HCFC1: variants seen among roughly 807,000 people sequenced by gnomAD.
HCFC1 encodes the protein host cell factor C1.
A neutral mutation model predicts 105.5 loss-of-function variants in HCFC1; 7 were observed. The ratio of observed to expected loss-of-function variants is 0.07; its 90% CI spans 0.04 to 0.12. The LOEUF (loss-of-function observed/expected upper bound fraction) is 0.12. Ranked by LOEUF, HCFC1 falls within the 10% of genes least tolerant of loss-of-function variation. The probability of loss-of-function intolerance (pLI) is 1.00; values close to 1 mark genes in which losing one functional copy is unlikely to be tolerated. For missense variants in HCFC1, 1,065 were observed against 1,823.6 expected, an observed-to-expected ratio of 0.58 and a Z score of 7.58; for synonymous variants, 918 against 828.1, an observed-to-expected ratio of 1.11 and a Z score of -1.86.
In HCFC1 at chrX:153,958,643, C is replaced by T. The variant is rs782764629; in HGVS notation, c.1729G>A (p.Val577Met). Residue 577 changes from valine (V) to methionine (M), a missense_variant, in exon 10 of 26, where the codon GTG (valine) becomes ATG (methionine). Val to Met is a conservative substitution (Grantham distance 21, BLOSUM62 1). This residue lies in a region of HCFC1 where 137 missense variants were observed against 378.2 expected (regional missense o/e 0.36). Transcript: ENST00000310441. ...VLSVPAGTTI[V>M]KTMAVTPGTT... ...CCAGGTGTCACAGCCATGGTCTTCA[C>T]GATGGTGGTACCCGCTGGGACACTC... The T allele has an allele frequency of 6.6e-6, 8 of 1,207,002 alleles. No individual in the cohort carries two copies. Among genetic ancestry groups the T allele is most frequent in the Non-Finnish European group, 7.8e-6 (7 of 892,948 alleles).
Position 153,949,589 on chromosome X carries a change from T to C in HCFC1, c.6032A>G (p.Lys2011Arg), listed in dbSNP as rs2065290378. 2.5e-6 allele frequency: 3 copies of C among 1,209,536 alleles called. No homozygotes were observed. The highest frequency in any genetic ancestry group is 3.4e-6 in the Non-Finnish European group (3 of 894,500). Residue 2011 changes from lysine (K) to arginine (R), a missense_variant, in exon 25 of 26, where the codon AAG (lysine) becomes AGG (arginine). By Grantham distance (26) the Lys-to-Arg change is conservative (BLOSUM62 2). Coordinates refer to ENST00000310441, the MANE Select transcript of HCFC1 (RefSeq NM_005334.3). The part of the protein sequence containing the change: ...QETSKDSSGT[K>R]PANKRPMSSP... Reference sequence around the variant, plus strand: ...GGACATGGGCCGCTTGTTGGCTGGCTTGGTGCCAGAGCTGTCTTTACTGGT... The same window carrying C: ...GGACATGGGCCGCTTGTTGGCTGGCCTGGTGCCAGAGCTGTCTTTACTGGT...
chrX:153,957,158 C>A lies in HCFC1; in HGVS notation c.2354-98G>T, dbSNP rs782209174. The A allele has an allele frequency of 7.2e-4, 741 of 1,032,783 alleles. 9 individuals carry two copies. In the South Asian group the frequency reaches 0.015, roughly 21 times the overall value. The allele number at this position is 1,032,783 out of a possible 1,213,427, so 85.1% of individuals were successfully genotyped here. A position where few individuals can be genotyped will look rare whatever the true frequency, so the allele number is the denominator to read the frequency against. ...AACATCCACAAGTCACAGCCATAGC[C>A]CTGCCCATCTCCTCACTACCCTTAG... is the stretch of plus-strand genomic sequence containing the variant. On this transcript the variant is annotated intron_variant, in intron 13 of 25. Transcript: ENST00000310441.
Position 153,951,682 on chromosome X carries a change from C to T in HCFC1, c.5286G>A (p.Val1762=). The stretch of plus-strand genomic sequence containing the variant: ...TGGCCACCACAACCGGCTGGGGGGC[C>T]ACAAATGTGTTGGATGGAGCCAGGC... ...TESLAPSNTF[V]APQPVVVASP... is the part of the protein sequence containing the mutation. Residue 1762 remains valine (V), a synonymous_variant, in exon 21 of 26, where the codon GTG becomes GTA. Transcript: ENST00000310441. 1 of 1,210,025 alleles carries T rather than the reference C, an allele frequency of 8.3e-7. No individual in the cohort carries two copies. The highest frequency in any genetic ancestry group is 3.0e-5 in the East Asian group (1 of 33,826).
chrX:153,957,721 C>A (rs1190166956), intron 12 of HCFC1, 61 bp downstream of exon 12: 1 of 920,711 alleles, frequency 1.1e-6, no homozygotes, highest in East Asian at 3.1e-5. Context: ...GACATGAGTT[C>A]TTCCTGTGGC....
Position 153,955,043 on chromosome X carries a change from G to A in HCFC1, c.3356C>T (p.Thr1119Ile), listed in dbSNP as rs782727601. ...CETHETGTTN[T>I]ATTAMSSVGA... Reference sequence around the variant, plus strand: ...GACGCTCGACATGGCTGTAGTGGCAGTGTTGGTGGTGCCCGTCTCGTGGGT... The same window carrying A: ...GACGCTCGACATGGCTGTAGTGGCAATGTTGGTGGTGCCCGTCTCGTGGGT... The change falls in exon 17 of 26, where the codon ACT becomes ATT. Residue 1119 changes from threonine to isoleucine, a missense_variant. Coordinates refer to ENST00000310441, the MANE Select transcript of HCFC1 (RefSeq NM_005334.3). 129 of 1,209,841 alleles carry A rather than the reference G, an allele frequency of 1.1e-4. No individual in the cohort carries two copies. The East Asian group carries it at 3.6e-3, about 34-fold the overall frequency.
At chrX:153,962,931 T>C (rs193189762) in intron 4 of HCFC1, among the ~76,000 whole-genome samples, 1 of 112,148 alleles carries the variant, frequency 8.9e-6, no homozygotes, top group African/African-American at 3.2e-5. Context: ...GAGGGACTAA[T>C]GCTACCCGGA....
Position 153,960,183 on chromosome X carries a change from G to C in HCFC1, c.1085-22C>G, listed in dbSNP as rs17421. The C allele has an allele frequency of 0.22, 260,174 of 1,198,814 alleles. 26,825 individuals are homozygous for C. Among genetic ancestry groups the C allele is most frequent in the East Asian group, 0.75 (25,169 of 33,462 alleles). ...TTTTCTGTGGGAGAACGCAGTTGGT[G>C]AGAAGGGGCGGGAGGCTATGGGAGG... On this transcript the variant is annotated intron_variant, in intron 7 of 25. Transcript: ENST00000310441.
chrX:153,958,478 C>T (rs1205519092), intron 10 of HCFC1, 91 bp downstream of exon 10: 21 of 886,800 alleles, frequency 2.4e-5, no homozygotes, highest in Non-Finnish European at 3.0e-5. Flanking sequence ...ACAGCTTATT[C>T]TGCAGCCCAC....
At position 153,947,725 on chromosome X, in the gene HCFC1, G is replaced by A. The variant is rs1372312386; in HGVS notation, c.*1622C>T. ...ATGGGGTAAAACAACAGGACCAGGTGAGTGGGCTCCAAGGTGACTAAACGT... is the reference window on the plus strand; with the variant it reads ...ATGGGGTAAAACAACAGGACCAGGTAAGTGGGCTCCAAGGTGACTAAACGT... On this transcript the variant is annotated 3_prime_UTR_variant, in exon 26 of 26. Coordinates refer to ENST00000310441, the MANE Select transcript of HCFC1 (RefSeq NM_005334.3). The A allele has an allele frequency of 1.8e-5, 2 of 111,467 alleles. No individual in the cohort carries two copies. Among genetic ancestry groups the A allele is most frequent in the African/African-American group, 6.5e-5 (2 of 30,566 alleles). The allele number at this position is 111,467 out of a possible 1,213,427, so 9.2% of individuals were successfully genotyped here. A position where few individuals can be genotyped will look rare whatever the true frequency, so the allele number is the denominator to read the frequency against.
chrX:153,962,193 AAG>A (rs1557117163), intron 5 of HCFC1, 27 bp downstream of exon 5: 1 of 1,148,633 alleles, frequency 8.7e-7, no homozygotes, highest in Admixed American at 2.2e-5. Flanking sequence ...CAGTCTAGAG[AAG>A]AGAGACGCAG....
In HCFC1 at chrX:153,960,147, G is replaced by A. The variant is rs781866431; in HGVS notation, c.1099C>T (p.Pro367Ser). ...WYLETEKPPPPARVQLVRANT... is the reference protein window; with the variant it reads ...WYLETEKPPPSARVQLVRANT... ...GCGCGTACCAGTTGTACTCGGGCTGGGGGTGGTGGCTTTTCTGTGGGAGAA... is the reference window on the plus strand; with the variant it reads ...GCGCGTACCAGTTGTACTCGGGCTGAGGGTGGTGGCTTTTCTGTGGGAGAA... The change falls in exon 8 of 26, where the codon CCA becomes TCA. Residue 367 changes from proline (P) to serine (S), a missense_variant. Pro to Ser is a moderately conservative substitution (Grantham distance 74). Coordinates refer to ENST00000310441, the MANE Select transcript of HCFC1 (RefSeq NM_005334.3). 8.3e-7 allele frequency: 1 copy of A among 1,208,740 alleles called. No homozygotes were observed. The highest frequency in any genetic ancestry group is 1.1e-6 in the Non-Finnish European group (1 of 893,244).
intron 1 of HCFC1, among the ~76,000 whole-genome samples, 169 bp downstream of exon 1, chrX:153,970,479 G>C (rs782177420): frequency 2.5e-3 from 232 of 94,308 alleles, no homozygotes; most frequent in African/African-American, 8.5e-3. Context: ...GAGGGGAGAA[G>C]GACGGGTAAG....
chrX:153,963,163 G>C, intron 4 of HCFC1, 62 bp downstream of exon 4: 1 of 913,433 alleles, frequency 1.1e-6, no homozygotes, highest in South Asian at 2.0e-5. Context: ...CCACCCACGG[G>C]GCCAGCCAAG....
Position 153,949,116 on chromosome X carries a change from G to A in HCFC1, c.*231C>T, listed in dbSNP as rs782421522. ...CGGCAGCGGGGAGGAAAGGAAGCGC[G>A]CTCCTCTCTCTGCTTTCCCATCTGC... On this transcript the variant is annotated 3_prime_UTR_variant, in exon 26 of 26. Coordinates refer to ENST00000310441, the MANE Select transcript of HCFC1 (RefSeq NM_005334.3). 3.2e-5 allele frequency: 11 copies of A among 340,282 alleles called. No individual in the cohort carries two copies. The highest frequency in any genetic ancestry group is 6.5e-5 in the South Asian group (1 of 15,373). 28.0% of individuals were successfully genotyped at this position (340,282 alleles called of 1,213,427 possible). A position where few individuals can be genotyped will look rare whatever the true frequency, so the allele number is the denominator to read the frequency against.
chrX:153,953,764 G>A lies in HCFC1; in HGVS notation c.4340C>T (p.Pro1447Leu). 9 of 1,204,927 alleles carry A rather than the reference G, an allele frequency of 7.5e-6. No homozygotes were observed. The highest frequency in any genetic ancestry group is 1.0e-5 in the Non-Finnish European group (9 of 892,263). The change falls in exon 18 of 26, where the codon CCA (proline) becomes CTA (leucine). Residue 1447 changes from proline to leucine, a missense_variant. Around this residue, in one of 17 missense-constraint regions of HCFC1, gnomAD observed 546 missense variants for 599.9 expected, o/e 0.91. Transcript: ENST00000310441. ...CTCTCCCTGATCGCTGGCAGCAGGT[G>A]GGGGGTCTGTGGGGGCGACAGGCAG... ...TSNMSSNQDPPPAASDQGEVE... is the reference protein window; with the variant it reads ...TSNMSSNQDPLPAASDQGEVE...
In HCFC1 at chrX:153,964,611, A is replaced by G. The variant is rs1557117873; in HGVS notation, c.309T>C (p.Tyr103=). The part of the protein sequence containing the change: ...RLLVFGGMVE[Y]GKYSNDLYEL... ...CGTAGAGGTCATTGCTGTATTTCCC[A>G]TACTCCACCATCCCACCAAACACCA... is the stretch of plus-strand genomic sequence containing the variant. Residue 103 remains tyrosine (Y), a synonymous_variant, in exon 2 of 26, where the codon TAT becomes TAC. Transcript: ENST00000310441. 8.3e-7 allele frequency: 1 copy of G among 1,204,987 alleles called. No homozygotes were observed. The highest frequency in any genetic ancestry group is 1.1e-6 in the Non-Finnish European group (1 of 892,278).
At position 153,955,299 on chromosome X, in the gene HCFC1, C is replaced by T. The variant is rs782376939; in HGVS notation, c.3100G>A (p.Val1034Met). Residue 1034 changes from valine (V) to methionine (M), a missense_variant, in exon 17 of 26, where the codon GTG (valine) becomes ATG (methionine). Physicochemically the swap from Val to Met is conservative, Grantham distance 21 (BLOSUM62 1). Around this residue, in one of 17 missense-constraint regions of HCFC1, gnomAD observed 546 missense variants for 599.9 expected, o/e 0.91. Coordinates refer to ENST00000310441, the MANE Select transcript of HCFC1 (RefSeq NM_005334.3). Reference sequence around the variant, plus strand: ...TGGGGGTGTCCCCCAAGGTTAGCCACAACAGTAGTGGTGGCCGTGTTGGTG... The same window carrying T: ...TGGGGGTGTCCCCCAAGGTTAGCCATAACAGTAGTGGTGGCCGTGTTGGTG... ...GTTNTATTTV[V>M]ANLGGHPQPT... 1 of 1,205,299 alleles carries T rather than the reference C, an allele frequency of 8.3e-7. No homozygotes were observed. Among genetic ancestry groups the T allele is most frequent in the East Asian group, 3.0e-5 (1 of 33,551 alleles).
At chrX:153,951,121 C>T in intron 22 of HCFC1, 123 bp from the exon 23 acceptor site, 1 of 760,932 alleles carries the variant, frequency 1.3e-6, no homozygotes, top group Non-Finnish European at 2.0e-6. Flanking sequence ...TGGCTGGCCC[C>T]TCACGGCAAG....
intron 10 of HCFC1, 148 bp from the exon 11 acceptor site, chrX:153,958,397 C>G: frequency 1.5e-6 from 1 of 680,083 alleles, no homozygotes; most frequent in Non-Finnish European, 2.3e-6. Context: ...TTGGTTCCCC[C>G]TTCCTTTAAC....
Sources: gnomAD v4.1 joint callset for allele counts (sites outside exome capture counted in the v4.1 genomes callset) on GRCh38, gnomAD v4.1.1 for gene constraint, gnomAD v4.1.1 regional missense constraint, MANE v1.5 for transcripts, NCBI Gene and HGNC (gene_info 2026-07-23, HGNC 2026-07-21) for gene names.